Variants in ATP5MGL observed in about 807,000 individuals in gnomAD.
ATP5MGL encodes the protein ATP synthase subunit g 2, mitochondrial.
For synonymous variants in ATP5MGL, 56 were observed against 48.3 expected (o/e 1.16, Z -0.66); for missense variants, 119 against 123.1 (o/e 0.97, Z 0.16).
rs1255129161 is a variant in ATP5MGL, at chr22:42,640,208, A to G, written c.67T>C (p.Leu23=). The change falls in exon 1 of 1, where the codon TTG becomes CTG. Residue 23 remains leucine, a synonymous_variant. Transcript: ENST00000505920. ...CAAAATGCGGCCAATCGAGGCTTCAAGTAAGTCACAGCAGCATTCACCAGT... is the reference window on the plus strand; with the variant it reads ...CAAAATGCGGCCAATCGAGGCTTCAGGTAAGTCACAGCAGCATTCACCAGT... ...PALVNAAVTY[L]KPRLAAFWYY... The G allele has an allele frequency of 5.0e-6, 8 of 1,604,208 alleles. 1 individual carries two copies. Among genetic ancestry groups the G allele is most frequent in the Admixed American group, 1.7e-5 (1 of 59,058 alleles).
Position 42,639,862 on chromosome 22 carries a change from T to C in ATP5MGL, c.*110A>G. The C allele has an allele frequency of 7.7e-7, 1 of 1,291,098 alleles. No homozygotes were observed. Among genetic ancestry groups the C allele is most frequent in the Non-Finnish European group, 1.0e-6 (1 of 967,380 alleles). 80.0% of individuals were successfully genotyped at this position (1,291,098 alleles called of 1,614,324 possible). A position where few individuals can be genotyped will look rare whatever the true frequency, so the allele number is the denominator to read the frequency against. Reference sequence around the variant, plus strand: ...GATTCACTTTTTTTTTTTTTTGGAATTTCTGACAAATCTTATTTTATTCAG... The same window carrying C: ...GATTCACTTTTTTTTTTTTTTGGAACTTCTGACAAATCTTATTTTATTCAG... On this transcript the variant is annotated 3_prime_UTR_variant, in exon 1 of 1. Coordinates refer to ENST00000505920, the MANE Select transcript of ATP5MGL (RefSeq NM_001165877.1).
Position 42,640,078 on chromosome 22 carries a change from T to C in ATP5MGL, c.197A>G (p.Lys66Arg), listed in dbSNP as rs1929160329. ...IVSSAQTGSF[K>R]QLTVKEALLN... ...CAAAGCTTCCTTAACTGTGAGCTGT[T>C]TGAAGCTACCAGTCTGAGCACTACT... Residue 66 changes from lysine to arginine, a missense_variant, in exon 1 of 1, where the codon AAA becomes AGA. Coordinates refer to ENST00000505920, the MANE Select transcript of ATP5MGL (RefSeq NM_001165877.1). The C allele has an allele frequency of 1.2e-6, 2 of 1,613,786 alleles. No individual in the cohort carries two copies. The highest frequency in any genetic ancestry group is 1.7e-6 in the Non-Finnish European group (2 of 1,180,040).
rs1358788091 is a variant in ATP5MGL, at chr22:42,640,343, T to TG, written c.-70dup. Reference sequence around the variant, plus strand: ...GGTCACCCCCCGGAAGGACCCTGCGTGGTTCACTTATTTATTTATTTATTT... The same window carrying TG: ...GGTCACCCCCCGGAAGGACCCTGCGTGGGTTCACTTATTTATTTATTTATTT... On this transcript the variant is annotated 5_prime_UTR_variant, in exon 1 of 1. Coordinates refer to ENST00000505920, the MANE Select transcript of ATP5MGL (RefSeq NM_001165877.1). 9.6e-7 allele frequency: 1 copy of TG among 1,038,858 alleles called. No individual in the cohort carries two copies. The highest frequency in any genetic ancestry group is 1.7e-5 in the African/African-American group (1 of 58,982). 64.4% of individuals were successfully genotyped at this position (1,038,858 alleles called of 1,614,324 possible). A position where few individuals can be genotyped will look rare whatever the true frequency, so the allele number is the denominator to read the frequency against.
In ATP5MGL at chr22:42,640,350, CTTATTTATTTATTTATTTATTTAT is replaced by C. The variant is rs76854423; in HGVS notation, c.-100_-77del. ...CCCCGGAAGGACCCTGCGTGGTTCACTTATTTATTTATTTATTTATTTATTTATTTATTTATTTATTTATTTGAG... is the reference window on the plus strand; with the variant it reads ...CCCCGGAAGGACCCTGCGTGGTTCACTTATTTATTTATTTATTTATTTGAG... On this transcript the variant is annotated 5_prime_UTR_variant, in exon 1 of 1. Transcript: ENST00000505920. The C allele has an allele frequency of 4.0e-5, 19 of 476,880 alleles. 2 individuals carry two copies. Among genetic ancestry groups the C allele is most frequent in the South Asian group, 1.7e-4 (2 of 12,050 alleles). 29.5% of individuals were successfully genotyped at this position (476,880 alleles called of 1,614,324 possible). A position where few individuals can be genotyped will look rare whatever the true frequency, so the allele number is the denominator to read the frequency against.
At position 42,640,318 on chromosome 22, in the gene ATP5MGL, G is replaced by A; in HGVS notation, c.-44C>T. On this transcript the variant is annotated 5_prime_UTR_variant, in exon 1 of 1. Transcript: ENST00000505920. ...CCATCATCCCGAATGGCCAGCTGAAGGTCACCCCCCGGAAGGACCCTGCGT... is the reference window on the plus strand; with the variant it reads ...CCATCATCCCGAATGGCCAGCTGAAAGTCACCCCCCGGAAGGACCCTGCGT... 6.7e-7 allele frequency: 1 copy of A among 1,496,276 alleles called. No homozygotes were observed. The highest frequency in any genetic ancestry group is 9.0e-7 in the Non-Finnish European group (1 of 1,111,988). The allele number at this position is 1,496,276 out of a possible 1,614,324, so 92.7% of individuals were successfully genotyped here. A position where few individuals can be genotyped will look rare whatever the true frequency, so the allele number is the denominator to read the frequency against.
In ATP5MGL at chr22:42,640,155, A is replaced by G; in HGVS notation, c.120T>C (p.Pro40=). 3 of 1,613,322 alleles carry G rather than the reference A, an allele frequency of 1.9e-6. No homozygotes were observed. Among genetic ancestry groups the G allele is most frequent in the Non-Finnish European group, 2.5e-6 (3 of 1,179,964 alleles). ...FWYYTTVELV[P]PTPAEIPRAI... The stretch of plus-strand genomic sequence containing the variant: ...CTCTAGGGATCTCAGCAGGGGTGGG[A>G]GGAACCAGCTCAACCGTGGTGTAGT... The change falls in exon 1 of 1, where the codon CCT becomes CCC. Residue 40 remains proline (P), a synonymous_variant. Coordinates refer to ENST00000505920, the MANE Select transcript of ATP5MGL (RefSeq NM_001165877.1).
rs774108301 is a variant in ATP5MGL, at chr22:42,640,259, G to A, written c.16C>T (p.Arg6Cys). Residue 6 changes from arginine to cysteine, a missense_variant, in exon 1 of 1, where the codon CGT (arginine) becomes TGT (cysteine). Arg to Cys is a radical substitution (Grantham distance 180). Coordinates refer to ENST00000505920, the MANE Select transcript of ATP5MGL (RefSeq NM_001165877.1). Reference sequence around the variant, plus strand: ...GCTGGGGTCTTCTCCACAAGGTTACGGACAAATGGAGCCATGGTTCTGGGA... The same window carrying A: ...GCTGGGGTCTTCTCCACAAGGTTACAGACAAATGGAGCCATGGTTCTGGGA... The part of the protein sequence containing the change: MAPFV[R>C]NLVEKTPALV... The A allele has an allele frequency of 6.4e-6, 10 of 1,565,774 alleles. No homozygotes were observed. The highest frequency in any genetic ancestry group is 5.4e-5 in the African/African-American group (4 of 73,682).
rs1461772067 is a variant in ATP5MGL, at chr22:42,640,457, TG to T, written c.-184del. 1 of 355,574 alleles carries T rather than the reference TG, an allele frequency of 2.8e-6. No homozygotes were observed. Among genetic ancestry groups the T allele is most frequent in the Non-Finnish European group, 4.5e-6 (1 of 221,056 alleles). 22.0% of individuals were successfully genotyped at this position (355,574 alleles called of 1,614,324 possible). ...ACAGTGGTGTGATCTTGGCTAACTGTGACCTCCGCCTCCCGGGTTCAAGTGA... is the reference window on the plus strand; with the variant it reads ...ACAGTGGTGTGATCTTGGCTAACTGTACCTCCGCCTCCCGGGTTCAAGTGA... On this transcript the variant is annotated 5_prime_UTR_variant, in exon 1 of 1. Transcript: ENST00000505920.
In ATP5MGL at chr22:42,640,350, CTTATTTAT is replaced by C. The variant is rs76854423; in HGVS notation, c.-84_-77del. On this transcript the variant is annotated 5_prime_UTR_variant, in exon 1 of 1. Coordinates refer to ENST00000505920, the MANE Select transcript of ATP5MGL (RefSeq NM_001165877.1). The stretch of plus-strand genomic sequence containing the variant: ...CCCCGGAAGGACCCTGCGTGGTTCA[CTTATTTAT>C]TTATTTATTTATTTATTTATTTATT... The C allele has an allele frequency of 0.25, 116,740 of 472,892 alleles. 17,999 individuals are homozygous for C. Among genetic ancestry groups the C allele is most frequent in the East Asian group, 0.52 (10,022 of 19,416 alleles). The allele number at this position is 472,892 out of a possible 1,614,324, so 29.3% of individuals were successfully genotyped here.
Position 42,640,407 on chromosome 22 carries a change from C to CTCA in ATP5MGL, c.-136_-134dup, listed in dbSNP as rs1929194652. 3.4e-6 allele frequency: 2 copies of CTCA among 585,350 alleles called. No homozygotes were observed. The highest frequency in any genetic ancestry group is 3.8e-5 in the African/African-American group (2 of 52,048). 36.3% of individuals were successfully genotyped at this position (585,350 alleles called of 1,614,324 possible). Reference sequence around the variant, plus strand: ...TTTATTTATTTATTTGAGATGGAGTCTCACTCTATCACCCAGGCTGGAGTA... The same window carrying CTCA: ...TTTATTTATTTATTTGAGATGGAGTCTCATCACTCTATCACCCAGGCTGGAGTA... On this transcript the variant is annotated 5_prime_UTR_variant, in exon 1 of 1. The change creates a new upstream start codon in the 5' untranslated region. Transcript: ENST00000505920.
rs781619084 is a variant in ATP5MGL at position 42,640,047 on chromosome 22, G to A, written c.228C>T (p.Asn76=). The change falls in exon 1 of 1, where the codon AAC becomes AAT. Residue 76 remains asparagine, a synonymous_variant. Transcript: ENST00000505920. ...KQLTVKEALL[N]GLVATEVSTW... The stretch of plus-strand genomic sequence containing the variant: ...TCGACACCTCAGTGGCCACCAAACC[G>A]TTCAGCAAAGCTTCCTTAACTGTGA... 70 of 1,613,534 alleles carry A rather than the reference G, an allele frequency of 4.3e-5. No homozygotes were observed. Among genetic ancestry groups the A allele is most frequent in the Non-Finnish European group, 5.3e-5 (63 of 1,180,016 alleles).
rs1305763114 is a variant in ATP5MGL at position 42,640,306 on chromosome 22, T to TGGCCAGCTGAAGGTC, written c.-47_-33dup. 1 of 1,527,004 alleles carries TGGCCAGCTGAAGGTC rather than the reference T, an allele frequency of 6.5e-7. No individual in the cohort carries two copies. The highest frequency in any genetic ancestry group is 8.8e-7 in the Non-Finnish European group (1 of 1,135,562). The allele number at this position is 1,527,004 out of a possible 1,614,324, so 94.6% of individuals were successfully genotyped here. A position where few individuals can be genotyped will look rare whatever the true frequency, so the allele number is the denominator to read the frequency against. On this transcript the variant is annotated 5_prime_UTR_variant, in exon 1 of 1. Transcript: ENST00000505920. ...GGGATGGAAAGTCCATCATCCCGAA[T>TGGCCAGCTGAAGGTC]GGCCAGCTGAAGGTCACCCCCCGGA...
At position 42,640,163 on chromosome 22, in the gene ATP5MGL, G is replaced by T. The variant is rs375276982; in HGVS notation, c.112C>A (p.Leu38Met). ...AAFWYYTTVE[L>M]VPPTPAEIPR... ...ATCTCAGCAGGGGTGGGAGGAACCAGCTCAACCGTGGTGTAGTACCAAAAT... is the reference window on the plus strand; with the variant it reads ...ATCTCAGCAGGGGTGGGAGGAACCATCTCAACCGTGGTGTAGTACCAAAAT... Residue 38 changes from leucine to methionine, a missense_variant, in exon 1 of 1, where the codon CTG (leucine) becomes ATG (methionine). By Grantham distance (15) the Leu-to-Met change is conservative (BLOSUM62 2). Coordinates refer to ENST00000505920, the MANE Select transcript of ATP5MGL (RefSeq NM_001165877.1). 2 of 1,613,044 alleles carry T rather than the reference G, an allele frequency of 1.2e-6. No homozygotes were observed. Among genetic ancestry groups the T allele is most frequent in the Admixed American group, 3.3e-5 (2 of 59,990 alleles).
Position 42,639,889 on chromosome 22 carries a change from T to G in ATP5MGL, c.*83A>C. 1 of 1,388,164 alleles carries G rather than the reference T, an allele frequency of 7.2e-7. No individual in the cohort carries two copies. Among genetic ancestry groups the G allele is most frequent in the Non-Finnish European group, 9.6e-7 (1 of 1,043,330 alleles). 86.0% of individuals were successfully genotyped at this position (1,388,164 alleles called of 1,614,324 possible). On this transcript the variant is annotated 3_prime_UTR_variant, in exon 1 of 1. Transcript: ENST00000505920. ...TCTGACAAATCTTATTTTATTCAGATAGCAGTCTGATCACACCTGGTCCAA... is the reference window on the plus strand; with the variant it reads ...TCTGACAAATCTTATTTTATTCAGAGAGCAGTCTGATCACACCTGGTCCAA...
At position 42,640,513 on chromosome 22, in the gene ATP5MGL, G is replaced by C. The variant is rs1444672614; in HGVS notation, c.-239C>G. 9.3e-6 allele frequency: 2 copies of C among 214,392 alleles called. No individual in the cohort carries two copies. The allele number at this position is 214,392 out of a possible 1,614,324, so 13.3% of individuals were successfully genotyped here. A position where few individuals can be genotyped will look rare whatever the true frequency, so the allele number is the denominator to read the frequency against. The stretch of plus-strand genomic sequence containing the variant: ...CCTGCCTCAGCCTCCCGAGTAGCTG[G>C]GATTACAGGTGAGCACCACCACGTC... On this transcript the variant is annotated 5_prime_UTR_variant, in exon 1 of 1. Transcript: ENST00000505920.
Sources: allele counts gnomAD v4.1 joint callset, GRCh38; gene constraint gnomAD v4.1.1; transcripts MANE v1.5; gene names NCBI Gene and HGNC (gene_info 2026-07-23, HGNC 2026-07-21).